TAX1BP1: variants seen among roughly 807,000 people sequenced by gnomAD.
TAX1BP1 encodes the protein Tax1 binding protein 1.
TAX1BP1 carries 62 observed loss-of-function variants against 97.7 expected under a neutral mutation model. The ratio of observed to expected loss-of-function variants is 0.63; its 90% confidence interval spans 0.52 to 0.78. The LOEUF is 0.78. TAX1BP1 is among the 30% of genes least tolerant of loss of function. The probability of loss-of-function intolerance (pLI) is 0.00; values close to 1 mark genes in which losing one functional copy is unlikely to be tolerated. For missense variants in TAX1BP1, 867 were observed against 916.1 expected (o/e 0.95, Z 0.69); for synonymous variants, 340 against 304.2 (o/e 1.12, Z -1.23).
chr7:27,754,815 C>T (rs1788150144), intron 2 of TAX1BP1, among the ~76,000 whole-genome samples: 1 of 152,060 alleles, frequency 6.6e-6, no homozygotes. Context: ...CATCTCCTGA[C>T]CTCGTGATCC....
At chr7:27,754,061 T>C (rs1034727918) in intron 2 of TAX1BP1, among the ~76,000 whole-genome samples, 2 of 152,200 alleles carry the variant, frequency 1.3e-5, no homozygotes, top group Non-Finnish European at 2.9e-5. Flanking sequence ...TCATGTGACA[T>C]GTTCAAAGTC....
rs770920403 is a variant in TAX1BP1 at position 27,788,114 on chromosome 7, TG to T, written c.1038+512del. ...AGTGTCCCTACACTTTTTATGACATTGATATTTTTGGAGAAGACAGGCTAGT... is the reference window on the plus strand; with the variant it reads ...AGTGTCCCTACACTTTTTATGACATTATATTTTTGGAGAAGACAGGCTAGT... On this transcript the variant is annotated intron_variant, in intron 8 of 16. Transcript: ENST00000396319. Among the ~76,000 whole-genome samples the T allele has an allele frequency of 3.5e-4, 53 of 152,144 alleles. No individual in the cohort carries two copies. In the East Asian group the frequency reaches 9.6e-3, roughly 28 times the overall value.
intron 13 of TAX1BP1, among the ~76,000 whole-genome samples, chr7:27,808,294 T>C (rs1023566864): frequency 1.3e-5 from 2 of 152,222 alleles, no homozygotes; most frequent in Admixed American, 6.5e-5. Flanking sequence ...AGTCTAAAAC[T>C]ACAGCATAAA....
In TAX1BP1 at chr7:27,816,778, A is replaced by T; in HGVS notation, c.1937-112A>T. The T allele has an allele frequency of 3.0e-6, 4 of 1,348,658 alleles. No individual in the cohort carries two copies. The South Asian group carries it at 5.4e-5, about 18-fold the overall frequency. 83.5% of individuals were successfully genotyped at this position (1,348,658 alleles called of 1,614,324 possible). A position where few individuals can be genotyped will look rare whatever the true frequency, so the allele number is the denominator to read the frequency against. On this transcript the variant is annotated intron_variant, in intron 14 of 16. Coordinates refer to ENST00000396319, the MANE Select transcript of TAX1BP1 (RefSeq NM_006024.7). The stretch of plus-strand genomic sequence containing the variant: ...ACCTGGGTTAAAAATAAAAACATCT[A>T]TTTTTTTCACATGCCAAAGTGGTTC...
chr7:27,797,220 AT>A (rs1407558163), intron 12 of TAX1BP1, among the ~76,000 whole-genome samples: 2 of 151,884 alleles, frequency 1.3e-5, no homozygotes, highest in Non-Finnish European at 2.9e-5. Context: ...GATGGTCTCT[AT>A]CTCCTGACCT....
chr7:27,765,949 A>G lies in TAX1BP1; in HGVS notation c.381A>G (p.Glu127=). The G allele has an allele frequency of 1.2e-6, 2 of 1,614,120 alleles. No individual in the cohort carries two copies. The highest frequency in any genetic ancestry group is 1.6e-4 in the Middle Eastern group (1 of 6,062). The change falls in exon 4 of 17, where the codon GAA becomes GAG. Residue 127 remains glutamate, a synonymous_variant. Coordinates refer to ENST00000396319, the MANE Select transcript of TAX1BP1 (RefSeq NM_006024.7). ...AGTTTCGAGCTTCTTCTCCAGTTGAAGAGCTGCTTACTATGGAAGATGAAG... is the reference window on the plus strand; with the variant it reads ...AGTTTCGAGCTTCTTCTCCAGTTGAGGAGCTGCTTACTATGGAAGATGAAG... ...PFQFRASSPV[E]ELLTMEDEGN...
chr7:27,822,567 CATT>C (rs772711442), intron 15 of TAX1BP1, among the ~76,000 whole-genome samples: 64 of 152,158 alleles, frequency 4.2e-4, no homozygotes, highest in Non-Finnish European at 2.8e-4. Context: ...AATGGTTCAT[CATT>C]GTGATTTTGA....
At chr7:27,766,774 A>T (rs960333126) in intron 4 of TAX1BP1, among the ~76,000 whole-genome samples, 1 of 152,158 alleles carries the variant, frequency 6.6e-6, no homozygotes, top group Non-Finnish European at 1.5e-5. Context: ...CTGTAATTGG[A>T]TGTGAACTTT....
intron 5 of TAX1BP1, among the ~76,000 whole-genome samples, chr7:27,776,203 C>T (rs1422890731): frequency 6.6e-6 from 1 of 152,068 alleles, no homozygotes; most frequent in Non-Finnish European, 1.5e-5. Flanking sequence ...AAGTATTCTT[C>T]AGTGTATTGT....
chr7:27,770,902 T>A (rs1042416235), intron 5 of TAX1BP1, among the ~76,000 whole-genome samples: 1 of 151,998 alleles, frequency 6.6e-6, no homozygotes, highest in Non-Finnish European at 1.5e-5. Context: ...CCTTTTTAGT[T>A]AAAAATATGC....
Position 27,816,993 on chromosome 7 carries a change from A to C in TAX1BP1, c.2040A>C (p.Arg680=). 6.2e-7 allele frequency: 1 copy of C among 1,614,102 alleles called. No individual in the cohort carries two copies. The highest frequency in any genetic ancestry group is 8.5e-7 in the Non-Finnish European group (1 of 1,179,990). Residue 680 remains arginine (R), a synonymous_variant, in exon 15 of 17, where the codon CGA becomes CGC. Transcript: ENST00000396319. ...ATGTTGTCTGCAGCCAGCCTGCTCGAAACTTTAGTCGGCCTGATGGCTTAG... is the reference window on the plus strand; with the variant it reads ...ATGTTGTCTGCAGCCAGCCTGCTCGCAACTTTAGTCGGCCTGATGGCTTAG... The part of the protein sequence containing the change: ...EDNVVCSQPA[R]NFSRPDGLED...
At chr7:27,788,999 C>T (rs1469098770) in intron 8 of TAX1BP1, among the ~76,000 whole-genome samples, 2 of 151,936 alleles carry the variant, frequency 1.3e-5, no homozygotes. Flanking sequence ...ATATTTATAT[C>T]TCTCTTCTCG....
rs1390262247 is a variant in TAX1BP1, at chr7:27,740,210, G to A, written c.-67G>A. On this transcript the variant is annotated 5_prime_UTR_variant, in exon 1 of 17. Coordinates refer to ENST00000396319, the MANE Select transcript of TAX1BP1 (RefSeq NM_006024.7). ...GGCGGAAGAGGTTCGGCGGCTGATG[G>A]CGGATCAGGATCGGAAGCCTGCGTA... 1 of 152,626 alleles carries A rather than the reference G, an allele frequency of 6.6e-6. No individual in the cohort carries two copies. The highest frequency in any genetic ancestry group is 2.4e-5 in the African/African-American group (1 of 41,468). The allele number at this position is 152,626 out of a possible 1,614,324, so 9.5% of individuals were successfully genotyped here. A position where few individuals can be genotyped will look rare whatever the true frequency, so the allele number is the denominator to read the frequency against.
At chr7:27,815,369 T>A (rs188890064) in intron 13 of TAX1BP1, among the ~76,000 whole-genome samples, 1 of 152,230 alleles carries the variant, frequency 6.6e-6, no homozygotes, top group Non-Finnish European at 1.5e-5. Flanking sequence ...AAAATATTTC[T>A]TCTGCATCAA....
chr7:27,766,090 T>C, intron 4 of TAX1BP1, 69 bp downstream of exon 4: 1 of 1,470,202 alleles, frequency 6.8e-7, no homozygotes, highest in South Asian at 1.3e-5. Flanking sequence ...GGTTGGCATT[T>C]TAAGAATTTT....
At chr7:27,812,457 T>G (rs1217187073) in intron 13 of TAX1BP1, among the ~76,000 whole-genome samples, 1 of 152,196 alleles carries the variant, frequency 6.6e-6, no homozygotes, top group Non-Finnish European at 1.5e-5. Context: ...TTTTACAACA[T>G]TATCTTTTGA....
intron 9 of TAX1BP1, 48 bp downstream of exon 9, chr7:27,792,278 A>T (rs780270645): frequency 1.4e-6 from 2 of 1,475,300 alleles, no homozygotes; most frequent in African/African-American, 2.8e-5. Context: ...AGAAACCACT[A>T]TAATCTCACA....
In TAX1BP1 at chr7:27,828,608, C is replaced by T. The variant is rs1782562627; in HGVS notation, c.2169-20C>T. On this transcript the variant is annotated intron_variant, in intron 16 of 16. Coordinates refer to ENST00000396319, the MANE Select transcript of TAX1BP1 (RefSeq NM_006024.7). ...CTACATTTATTAGAAACATGTAATT[C>T]TTTCATTTTTCTCTTTAAGCTTTGA... 6.2e-7 allele frequency: 1 copy of T among 1,605,874 alleles called. No individual in the cohort carries two copies. Among genetic ancestry groups the T allele is most frequent in the African/African-American group, 1.3e-5 (1 of 74,624 alleles).
In TAX1BP1 at chr7:27,767,218, TTC is replaced by T. The variant is rs766339004; in HGVS notation, c.453+1200_453+1201del. Among the ~76,000 whole-genome samples, 10 of 152,304 alleles carry T rather than the reference TTC, an allele frequency of 6.6e-5. No homozygotes were observed. The East Asian group carries it at 1.7e-3, about 26-fold the overall frequency. ...CTATTATAATAATAAGAAAAATAGT[TTC>T]TCAAATTGGTTCAGTATACATTTTT... On this transcript the variant is annotated intron_variant, in intron 4 of 16. Transcript: ENST00000396319.
Sources: gnomAD v4.1 joint callset for allele counts (sites outside exome capture counted in the v4.1 genomes callset) on GRCh38, gnomAD v4.1.1 for gene constraint, MANE v1.5 for transcripts, NCBI Gene and HGNC (gene_info 2026-07-23, HGNC 2026-07-21) for gene names.